The following C8orf34 variants were observed in gnomAD, a reference collection of about 807,000 sequenced individuals.
The protein encoded by C8orf34 is chromosome 8 open reading frame 34, also known as uncharacterized protein C8orf34.
Under a neutral mutation model 68.3 loss-of-function variants are expected in C8orf34, and 65 were observed. The observed-to-expected ratio is 0.95, with a 90% CI of 0.78 to 1.17. C8orf34 has a LOEUF of 1.17. C8orf34 is among the 50% of genes most tolerant of loss of function. The pLI is 0.00. For missense variants in C8orf34, 664 were observed against 655.4 expected, an observed-to-expected ratio of 1.01 and a Z score of -0.14; for synonymous variants, 244 against 241.2, an observed-to-expected ratio of 1.01 and a Z score of -0.11.
chr8:68,744,078 T>A (rs1250680054), intron 10 of C8orf34, among the ~76,000 whole-genome samples: 7 of 152,190 alleles, frequency 4.6e-5, no homozygotes, highest in Non-Finnish European at 1.5e-5. Context: ...CCCTGACCCC[T>A]GACCCCCAAG....
At position 68,521,907 on chromosome 8, in the gene C8orf34, C is replaced by A; in HGVS notation, c.874C>A (p.Pro292Thr). ...DPLAAEMLQP[P>T]IPRSKNDQWE... ...CCTAGCTGCTGAAATGCTACAGCCT[C>A]CAATTCCAAGAAGCAAAAATGACCA... Residue 292 changes from proline (P) to threonine (T), a missense_variant, in exon 6 of 14, where the codon CCA (proline) becomes ACA (threonine). Coordinates refer to ENST00000518698, the MANE Select transcript of C8orf34 (RefSeq NM_052958.4). 6.2e-7 allele frequency: 1 copy of A among 1,614,066 alleles called. No individual in the cohort carries two copies.
chr8:68,601,509 A>G (rs1015601879), intron 7 of C8orf34, among the ~76,000 whole-genome samples: 17 of 151,918 alleles, frequency 1.1e-4, no homozygotes, highest in African/African-American at 1.9e-4. Flanking sequence ...CTACTGTTGA[A>G]TCCATCCTGT....
intron 1 of C8orf34, among the ~76,000 whole-genome samples, chr8:68,424,500 G>C (rs1810122369): frequency 6.6e-6 from 1 of 152,136 alleles, no homozygotes; most frequent in Non-Finnish European, 1.5e-5. Flanking sequence ...GTATCAAGAA[G>C]AATTGGATGT....
chr8:68,414,287 C>T (rs890523051), intron 1 of C8orf34, among the ~76,000 whole-genome samples: 14 of 152,146 alleles, frequency 9.2e-5, no homozygotes, highest in African/African-American at 3.4e-4. Flanking sequence ...AGAATGTGAG[C>T]TCCTTAAACT....
At chr8:68,694,929 A>G (rs1257723280) in intron 8 of C8orf34, among the ~76,000 whole-genome samples, 1 of 151,978 alleles carries the variant, frequency 6.6e-6, no homozygotes. Context: ...AAATTTCAGT[A>G]TGATGTCCAA....
intron 7 of C8orf34, among the ~76,000 whole-genome samples, chr8:68,620,773 T>C (rs952127206): frequency 1.3e-5 from 2 of 151,180 alleles, no homozygotes; most frequent in African/African-American, 4.9e-5. Flanking sequence ...TGTCCATTAA[T>C]TTAGTTTTAG....
intron 1 of C8orf34, among the ~76,000 whole-genome samples, chr8:68,346,355 C>T (rs1247850135): frequency 1.3e-5 from 2 of 150,712 alleles, no homozygotes; most frequent in Non-Finnish European, 2.9e-5. Flanking sequence ...TCTCATATGC[C>T]ACCTGCCCCA....
intron 5 of C8orf34, among the ~76,000 whole-genome samples, chr8:68,489,134 T>C (rs906224234): frequency 2.6e-5 from 4 of 152,344 alleles, no homozygotes; most frequent in African/African-American, 9.6e-5. Context: ...ATGGCTTAAT[T>C]GAAAACTGCT....
intron 8 of C8orf34, among the ~76,000 whole-genome samples, chr8:68,685,309 G>C: frequency 6.6e-6 from 1 of 151,988 alleles, no homozygotes; most frequent in East Asian, 1.9e-4. Context: ...ACTTCTCAAA[G>C]TGAAATGATT....
intron 6 of C8orf34, among the ~76,000 whole-genome samples, chr8:68,525,283 T>C (rs939314651): frequency 1.3e-5 from 2 of 152,188 alleles, no homozygotes; most frequent in African/African-American, 4.8e-5. Context: ...TCAAATTTAG[T>C]AATTTAGAAA....
chr8:68,716,694 T>C (rs534337357), intron 9 of C8orf34, among the ~76,000 whole-genome samples: 1 of 152,100 alleles, frequency 6.6e-6, no homozygotes, highest in South Asian at 2.1e-4. Context: ...AAGGCAGGTA[T>C]ATGAGTTTTG....
intron 8 of C8orf34, among the ~76,000 whole-genome samples, chr8:68,642,562 C>T (rs1159326073): frequency 6.6e-6 from 1 of 152,304 alleles, no homozygotes; most frequent in East Asian, 1.9e-4. Flanking sequence ...ACAGCAATAA[C>T]AATAACCAGG....
chr8:68,369,205 T>C (rs1807448011), intron 1 of C8orf34, among the ~76,000 whole-genome samples: 1 of 152,246 alleles, frequency 6.6e-6, no homozygotes, highest in Non-Finnish European at 1.5e-5. Context: ...AATCTTCCAG[T>C]TCTGTTCTTT....
intron 5 of C8orf34, among the ~76,000 whole-genome samples, chr8:68,505,926 C>G (rs1330648490): frequency 6.6e-6 from 1 of 152,104 alleles, no homozygotes; most frequent in Non-Finnish European, 1.5e-5. Context: ...CTGTATCATG[C>G]ATCAAAATAT....
At chr8:68,569,661 A>T (rs1816704855) in intron 7 of C8orf34, among the ~76,000 whole-genome samples, 2 of 152,226 alleles carry the variant, frequency 1.3e-5, no homozygotes, top group Non-Finnish European at 2.9e-5. Flanking sequence ...TGAGTGCTAC[A>T]GGAAAAGGAA....
At chr8:68,618,077 T>C (rs1818280247) in intron 7 of C8orf34, among the ~76,000 whole-genome samples, 1 of 152,154 alleles carries the variant, frequency 6.6e-6, no homozygotes, top group African/African-American at 2.4e-5. Context: ...AAATTCATCT[T>C]CAAATCTTAC....
At chr8:68,745,772 A>G (rs1822469109) in intron 10 of C8orf34, among the ~76,000 whole-genome samples, 1 of 152,172 alleles carries the variant, frequency 6.6e-6, no homozygotes, top group African/African-American at 2.4e-5. Flanking sequence ...TTAGACTCCC[A>G]CACATTAATA....
At chr8:68,464,943 GA>G (rs1357780062) in intron 3 of C8orf34, among the ~76,000 whole-genome samples, 2 of 151,506 alleles carry the variant, frequency 1.3e-5, no homozygotes, top group Non-Finnish European at 2.9e-5. Context: ...AGCCAAAATT[GA>G]CAAATGGGAT....
rs560877115 is a variant in C8orf34 at position 68,354,112 on chromosome 8, CTTTAAT to C, written c.327+22776_327+22781del. On this transcript the variant is annotated intron_variant, in intron 1 of 13. Transcript: ENST00000518698. ...AGAGAGAGGAGTAGTCAGAGGGTGA[CTTTAAT>C]TTGTGCGCTAAATTATTTCAATGTT... 1.6e-4 allele frequency among the ~76,000 whole-genome samples: 24 copies of C among 152,030 alleles called. No individual in the cohort carries two copies. In the South Asian group the frequency reaches 4.8e-3, roughly 30 times the overall value.
Sources: gnomAD v4.1 joint callset for allele counts (sites outside exome capture counted in the v4.1 genomes callset) on GRCh38, gnomAD v4.1.1 for gene constraint, MANE v1.5 for transcripts, NCBI Gene and HGNC (gene_info 2026-07-23, HGNC 2026-07-21) for gene names.